The following AFF3 variants were observed in gnomAD, a reference collection of about 807,000 sequenced individuals.
The protein encoded by AFF3 is AF4/FMR2 family member 3.
In AFF3, 32 loss-of-function variants were observed where a neutral mutation model predicts 129.7. That is an observed-to-expected ratio of 0.25 (90% confidence interval 0.19 to 0.33). The LOEUF (loss-of-function observed/expected upper bound fraction) is 0.33, where lower values mean the gene tolerates loss of function less well. Ranked by LOEUF, AFF3 falls within the 10% of genes least tolerant of loss-of-function variation. The probability of loss-of-function intolerance (pLI) is 1.00; values close to 1 mark genes in which losing one functional copy is unlikely to be tolerated. For synonymous variants in AFF3, 644 were observed against 635.4 expected (o/e 1.01, Z -0.20); for missense variants, 1,373 against 1,592.0 (o/e 0.86, Z 2.34).
chr2:99,812,640 A>G (rs1226556882), intron 8 of AFF3, among the ~76,000 whole-genome samples: 3 of 152,210 alleles, frequency 2.0e-5, no homozygotes, highest in African/African-American at 7.2e-5. Context: ...GTCTAACGCA[A>G]TTCCCACTAG....
intron 7 of AFF3, among the ~76,000 whole-genome samples, chr2:99,880,347 C>A (rs1332055554): frequency 5.3e-5 from 8 of 152,222 alleles, no homozygotes; most frequent in Admixed American, 5.2e-4. Flanking sequence ...GGCATCTCCC[C>A]AGGATATGGC....
chr2:99,663,301 T>A (rs535846655), intron 12 of AFF3, among the ~76,000 whole-genome samples: 1 of 152,356 alleles, frequency 6.6e-6, no homozygotes, highest in South Asian at 2.1e-4. Context: ...GAGATGGGAA[T>A]GTTTCTTGTG....
intron 7 of AFF3, among the ~76,000 whole-genome samples, chr2:99,997,228 A>G (rs891187182): frequency 2.0e-5 from 3 of 152,144 alleles, no homozygotes; most frequent in Admixed American, 6.5e-5. Context: ...CTAAGAGACA[A>G]CTCAAACTCA....
At chr2:100,109,099 AGAGAGGGGAAAAT>A (rs1400544315) in intron 2 of AFF3, among the ~76,000 whole-genome samples, 1 of 151,658 alleles carries the variant, frequency 6.6e-6, no homozygotes, top group Non-Finnish European at 1.5e-5. Context: ...GGCAGAGAAA[AGAGAGGGGAAAAT>A]GAGCTCCGGG....
chr2:99,777,365 G>A (rs750234360), intron 8 of AFF3, among the ~76,000 whole-genome samples: 3 of 152,094 alleles, frequency 2.0e-5, no homozygotes, highest in Non-Finnish European at 4.4e-5. Flanking sequence ...CTTCCTGCTG[G>A]GCTTTAAGCC....
intron 23 of AFF3, 25 bp from the exon 24 acceptor site, chr2:99,554,559 CA>C: frequency 6.2e-7 from 1 of 1,609,410 alleles, no homozygotes; most frequent in Non-Finnish European, 8.5e-7. Flanking sequence ...GTAGAAAAAC[CA>C]GAGTGGCGAG....
intron 7 of AFF3, among the ~76,000 whole-genome samples, chr2:99,899,334 T>C (rs1185219358): frequency 6.6e-6 from 1 of 152,152 alleles, no homozygotes; most frequent in East Asian, 1.9e-4. Context: ...GGAAAATCAA[T>C]ACAGGTACTA....
chr2:99,632,630 C>T (rs1255860035), intron 13 of AFF3, among the ~76,000 whole-genome samples: 7 of 152,260 alleles, frequency 4.6e-5, no homozygotes, highest in African/African-American at 1.2e-4. Flanking sequence ...CCAGCTCCTA[C>T]CTATCATCTA....
intron 18 of AFF3, among the ~76,000 whole-genome samples, chr2:99,573,170 T>TCAGA (rs1676662678): frequency 6.6e-6 from 1 of 152,202 alleles, no homozygotes; most frequent in Admixed American, 6.5e-5. Context: ...CTAAAGATGA[T>TCAGA]TGGACAGCTG....
chr2:100,038,193 C>A (rs1685129536), intron 4 of AFF3, among the ~76,000 whole-genome samples: 1 of 151,972 alleles, frequency 6.6e-6, no homozygotes, highest in East Asian at 1.9e-4. Context: ...CCCAAGGACA[C>A]CTCAGCTGGG....
chr2:100,072,934 G>T (rs929048954), intron 4 of AFF3, among the ~76,000 whole-genome samples: 2 of 152,124 alleles, frequency 1.3e-5, no homozygotes, highest in African/African-American at 4.8e-5. Flanking sequence ...TTCACTCGTT[G>T]ATTAAAATAC....
intron 13 of AFF3, among the ~76,000 whole-genome samples, chr2:99,644,834 G>A (rs754812286): frequency 6.6e-6 from 1 of 152,162 alleles, no homozygotes; most frequent in South Asian, 2.1e-4. Context: ...CGGTGATGTG[G>A]CTTCTTTCGC....
At chr2:99,685,433 T>C (rs2104595692) in intron 11 of AFF3, among the ~76,000 whole-genome samples, 1 of 152,304 alleles carries the variant, frequency 6.6e-6, no homozygotes, top group East Asian at 1.9e-4. Context: ...ATAATCCATG[T>C]AAATTAAGCC....
At chr2:99,701,375 T>A (rs1676844374) in intron 11 of AFF3, among the ~76,000 whole-genome samples, 1 of 152,232 alleles carries the variant, frequency 6.6e-6, no homozygotes. Context: ...ACTGGCACAC[T>A]GGAGGATTCT....
At chr2:99,629,178 C>G (rs1332561235) in intron 13 of AFF3, among the ~76,000 whole-genome samples, 1 of 152,198 alleles carries the variant, frequency 6.6e-6, no homozygotes, top group African/African-American at 2.4e-5. Flanking sequence ...TCTTGCCTGA[C>G]TGCTCTGGCC....
chr2:99,750,441 G>A (rs560642759), intron 9 of AFF3, among the ~76,000 whole-genome samples: 7 of 133,472 alleles, frequency 5.2e-5, no homozygotes, highest in South Asian at 4.6e-4. Context: ...TTGAGACAGC[G>A]TCGTGCTCTG....
intron 22 of AFF3, among the ~76,000 whole-genome samples, chr2:99,556,798 T>C (rs1025426540): frequency 1.2e-4 from 18 of 152,022 alleles, no homozygotes; most frequent in Non-Finnish European, 2.6e-4. Flanking sequence ...GGTGTGTATC[T>C]GTGGTCTCAG....
chr2:99,961,880 C>A (rs573232334), intron 7 of AFF3, among the ~76,000 whole-genome samples: 2 of 152,330 alleles, frequency 1.3e-5, no homozygotes, highest in South Asian at 4.1e-4. Context: ...GGGGTGGAAT[C>A]CGCAAGGCGG....
intron 4 of AFF3, among the ~76,000 whole-genome samples, chr2:100,020,511 T>C (rs954951925): frequency 3.3e-5 from 5 of 152,118 alleles, no homozygotes; most frequent in African/African-American, 4.8e-5. Flanking sequence ...AGGTTTCTCA[T>C]AGACAGCCTG....
Sources: allele counts gnomAD v4.1 joint callset (sites outside exome capture counted in the v4.1 genomes callset), GRCh38; gene constraint gnomAD v4.1.1; transcripts MANE v1.5; gene names NCBI Gene and HGNC (gene_info 2026-07-23, HGNC 2026-07-21).